Variants in DUS3L observed in about 807,000 individuals in gnomAD.
DUS3L encodes the protein dihydrouridine synthase 3 like, also known as tRNA-dihydrouridine(47) synthase [NAD(P)(+)]-like.
A neutral mutation model predicts 74.6 loss-of-function variants in DUS3L; 62 were observed. The observed-to-expected ratio is 0.83, with a 90% CI of 0.68 to 1.03. DUS3L has a LOEUF of 1.03. Among genes scored for constraint, DUS3L ranks in the 50% least tolerant of loss-of-function variants. The pLI, the probability that DUS3L is intolerant of heterozygous loss-of-function variation, is 0.00. For missense variants in DUS3L, 884 were observed against 924.4 expected, an observed-to-expected ratio of 0.96 and a Z score of 0.57; for synonymous variants, 433 against 395.7, an observed-to-expected ratio of 1.09 and a Z score of -1.12.
intron 3 of DUS3L, 68 bp downstream of exon 3, chr19:5,789,139 A>C: frequency 1.9e-5 from 27 of 1,457,660 alleles, no homozygotes; most frequent in Non-Finnish European, 2.1e-5. Flanking sequence ...GAACGTGGAC[A>C]CAGCTGGTAT....
rs531270675 is a variant in DUS3L, at chr19:5,789,714, C to A, written c.393G>T (p.Ser131=). ...NRLCPSLIQE[S]AAKCFFGDRC... is the part of the protein sequence containing the mutation. ...GATCACCGAAGAAACACTTAGCAGCCGACTCCTGCGAGGAAACAGGGAAGC... is the reference window on the plus strand; with the variant it reads ...GATCACCGAAGAAACACTTAGCAGCAGACTCCTGCGAGGAAACAGGGAAGC... The change falls in exon 3 of 13, where the codon TCG becomes TCT. Residue 131 remains serine (S), a synonymous_variant. Coordinates refer to ENST00000309061, the MANE Select transcript of DUS3L (RefSeq NM_020175.3). 16 of 1,600,498 alleles carry A rather than the reference C, an allele frequency of 1.0e-5. No individual in the cohort carries two copies. The South Asian group carries it at 1.8e-4, about 18-fold the overall frequency.
chr19:5,786,139 A>C, intron 10 of DUS3L: 1 of 455,124 alleles, frequency 2.2e-6, no homozygotes, highest in Non-Finnish European at 3.9e-6. Context: ...TTTAATAGAG[A>C]TGTTTCACCA....
In DUS3L at chr19:5,789,683, G is replaced by A. The variant is rs1491000590; in HGVS notation, c.424C>T (p.Arg142Cys). Reference sequence around the variant, plus strand: ...TAGCGCCCCACGTCGTGCAGAAAGCGGCAGCGATCACCGAAGAAACACTTA... The same window carrying A: ...TAGCGCCCCACGTCGTGCAGAAAGCAGCAGCGATCACCGAAGAAACACTTA... ...AAKCFFGDRC[R>C]FLHDVGRYLE... The change falls in exon 3 of 13, where the codon CGC becomes TGC. Residue 142 changes from arginine to cysteine, a missense_variant. Arg to Cys is a radical substitution (Grantham distance 180). Transcript: ENST00000309061. 3.7e-6 allele frequency: 6 copies of A among 1,608,888 alleles called. No homozygotes were observed. The highest frequency in any genetic ancestry group is 4.2e-6 in the Non-Finnish European group (5 of 1,178,562).
chr19:5,789,979 A>G (rs2056893508), intron 2 of DUS3L, 68 bp downstream of exon 2: 1 of 1,587,546 alleles, frequency 6.3e-7, no homozygotes, highest in Non-Finnish European at 8.6e-7. Flanking sequence ...TCTAACAATT[A>G]CCCGCTGCCA....
chr19:5,789,200 C>A lies in DUS3L; in HGVS notation c.900+7G>T, dbSNP rs201851480. ...GATCTGCTACTGACGTTGTCCTCAA[C>A]ACGTACCCGCTTCTTCTCACAGGGC... On this transcript the variant is annotated splice_region_variant and intron_variant, in intron 3 of 12. Coordinates refer to ENST00000309061, the MANE Select transcript of DUS3L (RefSeq NM_020175.3). 1.6e-4 allele frequency: 239 copies of A among 1,525,438 alleles called. No homozygotes were observed. Among genetic ancestry groups the A allele is most frequent in the African/African-American group, 9.4e-4 (67 of 71,322 alleles). 94.5% of individuals were successfully genotyped at this position (1,525,438 alleles called of 1,614,324 possible). A position where few individuals can be genotyped will look rare whatever the true frequency, so the allele number is the denominator to read the frequency against.
chr19:5,790,529 T>TC (rs1568389396), intron 1 of DUS3L, among the ~76,000 whole-genome samples, 194 bp from the exon 2 acceptor site: 3 of 152,038 alleles, frequency 2.0e-5, no homozygotes, highest in Admixed American at 1.3e-4. Flanking sequence ...GTCCTCACTG[T>TC]CCAAAGTGTT....
chr19:5,788,353 C>T lies in DUS3L; in HGVS notation c.942+4G>A. The T allele has an allele frequency of 6.2e-7, 1 of 1,613,812 alleles. No individual in the cohort carries two copies. Among genetic ancestry groups the T allele is most frequent in the Non-Finnish European group, 8.5e-7 (1 of 1,180,012 alleles). On this transcript the variant is annotated splice_donor_region_variant and intron_variant, in intron 4 of 12. Coordinates refer to ENST00000309061, the MANE Select transcript of DUS3L (RefSeq NM_020175.3). ...CCCGACCAGCCACCTGACCCAGGTC[C>T]TACCGTGGTGAGGGGGGCCAGGTAA... is the stretch of plus-strand genomic sequence containing the variant.
At chr19:5,789,830 G>GTCAGGCACC in intron 2 of DUS3L, 111 bp from the exon 3 acceptor site, 1 of 1,417,640 alleles carries the variant, frequency 7.1e-7, no homozygotes, top group Non-Finnish European at 9.6e-7. Context: ...CCCTGAGCAA[G>GTCAGGCACC]TCAGGCACCT....
At chr19:5,785,356 C>T (rs2056830720) in intron 12 of DUS3L, 27 bp downstream of exon 12, 2 of 1,603,188 alleles carry the variant, frequency 1.2e-6, no homozygotes, top group South Asian at 1.1e-5. Context: ...CCGACTGCAG[C>T]TCCCCAACTC....
Position 5,786,829 on chromosome 19 carries a change from C to G in DUS3L, c.1406G>C (p.Arg469Pro), listed in dbSNP as rs941891323. The change falls in exon 9 of 13, where the codon CGG (arginine) becomes CCG (proline). Residue 469 changes from arginine (R) to proline (P), a missense_variant. Physicochemically the swap from Arg to Pro is moderately radical, Grantham distance 103. Coordinates refer to ENST00000309061, the MANE Select transcript of DUS3L (RefSeq NM_020175.3). ...GGCTAGCTTGGTGTAGCGCTGCTCCCGAGAGCGGCCGTGGAGCTGGGGGAG... is the reference window on the plus strand; with the variant it reads ...GGCTAGCTTGGTGTAGCGCTGCTCCGGAGAGCGGCCGTGGAGCTGGGGGAG... ...VALVTLHGRS[R>P]EQRYTKLADW... The G allele has an allele frequency of 1.2e-6, 2 of 1,609,762 alleles. No homozygotes were observed. Among genetic ancestry groups the G allele is most frequent in the Non-Finnish European group, 1.7e-6 (2 of 1,178,942 alleles).
chr19:5,785,543 A>T, intron 11 of DUS3L, 32 bp from the exon 12 acceptor site: 1 of 1,550,228 alleles, frequency 6.5e-7, no homozygotes, highest in Non-Finnish European at 8.7e-7. Flanking sequence ...GACAGGCTTG[A>T]GTCAGCTCTA....
rs1047468060 is a variant in DUS3L, at chr19:5,787,094, G to A, written c.1356C>T (p.Pro452=). Reference sequence around the variant, plus strand: ...GTGCCACGCCCCAGTCCCGCAGCTCGGGCAGCAGGCGGTGCGCCAGGTTCA... The same window carrying A: ...GTGCCACGCCCCAGTCCCGCAGCTCAGGCAGCAGGCGGTGCGCCAGGTTCA... ...ERVNLAHRLL[P]ELRDWGVALV... The change falls in exon 8 of 13, where the codon CCC becomes CCT. Residue 452 remains proline, a synonymous_variant. Coordinates refer to ENST00000309061, the MANE Select transcript of DUS3L (RefSeq NM_020175.3). 2.2e-5 allele frequency: 27 copies of A among 1,249,916 alleles called. No individual in the cohort carries two copies. Among genetic ancestry groups the A allele is most frequent in the Non-Finnish European group, 2.4e-5 (24 of 979,600 alleles). The allele number at this position is 1,249,916 out of a possible 1,614,324, so 77.4% of individuals were successfully genotyped here.
chr19:5,785,289 G>A lies in DUS3L; in HGVS notation c.1881-14C>T. 1 of 1,610,718 alleles carries A rather than the reference G, an allele frequency of 6.2e-7. No homozygotes were observed. Among genetic ancestry groups the A allele is most frequent in the Non-Finnish European group, 8.5e-7 (1 of 1,179,176 alleles). On this transcript the variant is annotated splice_polypyrimidine_tract_variant and intron_variant, in intron 12 of 12. Transcript: ENST00000309061. ...AGGAGCATCTCGCTGTGGGAGAGCA[G>A]GTGGAAAGCGAGGTCAGGCCCAGGA...
At chr19:5,788,296 C>T in intron 4 of DUS3L, 61 bp downstream of exon 4, 10 of 1,612,246 alleles carry the variant, frequency 6.2e-6, no homozygotes, top group Non-Finnish European at 8.5e-6. Flanking sequence ...GACACTAAGC[C>T]CTGTTGGAAT....
chr19:5,789,132 C>T (rs1428391750), intron 3 of DUS3L, 75 bp downstream of exon 3: 5 of 1,489,438 alleles, frequency 3.4e-6, no homozygotes, highest in Non-Finnish European at 4.5e-6. Flanking sequence ...AGAACAGGAA[C>T]GTGGACACAG....
Position 5,789,414 on chromosome 19 carries a change from G to C in DUS3L, c.693C>G (p.Ala231=), listed in dbSNP as rs747358731. 6 of 1,596,600 alleles carry C rather than the reference G, an allele frequency of 3.8e-6. No homozygotes were observed. Among genetic ancestry groups the C allele is most frequent in the Non-Finnish European group, 5.1e-6 (6 of 1,175,458 alleles). ...TGGGGCCCTGGCTGAACCGGCGCAGGGCCTGCTCAGCTCGCTCGAAGCGGA... is the reference window on the plus strand; with the variant it reads ...TGGGGCCCTGGCTGAACCGGCGCAGCGCCTGCTCAGCTCGCTCGAAGCGGA... The part of the protein sequence containing the change: ...REVRFERAEQ[A]LRRFSQGPTP... Residue 231 remains alanine, a synonymous_variant, in exon 3 of 13, where the codon GCC becomes GCG. Coordinates refer to ENST00000309061, the MANE Select transcript of DUS3L (RefSeq NM_020175.3).
Position 5,790,202 on chromosome 19 carries a change from C to G in DUS3L, c.232G>C (p.Glu78Gln). The change falls in exon 2 of 13, where the codon GAG (glutamate) becomes CAG (glutamine). Residue 78 changes from glutamate to glutamine, a missense_variant. Glu to Gln is a conservative substitution (Grantham distance 29, BLOSUM62 2). Coordinates refer to ENST00000309061, the MANE Select transcript of DUS3L (RefSeq NM_020175.3). ...AEPEAKRIRLEDGQTADGQTE... is the reference protein window; with the variant it reads ...AEPEAKRIRLQDGQTADGQTE... Reference sequence around the variant, plus strand: ...TGCCCGTCCGCCGTCTGTCCATCCTCCAGTCGGATCCGCTTAGCCTCAGGC... The same window carrying G: ...TGCCCGTCCGCCGTCTGTCCATCCTGCAGTCGGATCCGCTTAGCCTCAGGC... 1 of 1,614,206 alleles carries G rather than the reference C, an allele frequency of 6.2e-7. No individual in the cohort carries two copies. The highest frequency in any genetic ancestry group is 8.5e-7 in the Non-Finnish European group (1 of 1,180,052).
chr19:5,787,481 G>C (rs2056865219), intron 6 of DUS3L, 108 bp downstream of exon 6: 1 of 1,514,404 alleles, frequency 6.6e-7, no homozygotes, highest in Non-Finnish European at 9.1e-7. Context: ...AGGGACTCCA[G>C]GGCCACACTT....
chr19:5,787,954 C>T (rs1189530638), intron 5 of DUS3L, 70 bp downstream of exon 5: 1 of 1,586,210 alleles, frequency 6.3e-7, no homozygotes, highest in Non-Finnish European at 8.5e-7. Context: ...CAGGGCAGAC[C>T]TGGAACCTGG....
Sources: gnomAD v4.1 joint callset for allele counts (sites outside exome capture counted in the v4.1 genomes callset) on GRCh38, gnomAD v4.1.1 for gene constraint, MANE v1.5 for transcripts, NCBI Gene and HGNC (gene_info 2026-07-23, HGNC 2026-07-21) for gene names.